VASH2: variants seen among roughly 807,000 people sequenced by gnomAD.
VASH2 encodes vasohibin 2.
Under a neutral mutation model 37.2 loss-of-function variants are expected in VASH2, and 28 were observed. The ratio of observed to expected loss-of-function variants is 0.75; its 90% CI spans 0.56 to 1.03. VASH2 has a LOEUF of 1.03. Among genes scored for constraint, VASH2 ranks in the 50% least tolerant of loss-of-function variants. The pLI is 0.00. For missense variants in VASH2, 419 were observed against 459.1 expected, an observed-to-expected ratio of 0.91 and a Z score of 0.80; for synonymous variants, 188 against 174.7, an observed-to-expected ratio of 1.08 and a Z score of -0.60.
At chr1:212,985,570 T>C (rs1453192278) in intron 7 of VASH2, among the ~76,000 whole-genome samples, 1 of 151,948 alleles carries the variant, frequency 6.6e-6, no homozygotes, top group Non-Finnish European at 1.5e-5. Flanking sequence ...GAATGCGCCA[T>C]CATACCCGGC....
intron 6 of VASH2, chr1:212,973,428 T>G: frequency 7.7e-7 from 1 of 1,291,410 alleles, no homozygotes; most frequent in Non-Finnish European, 1.0e-6. Context: ...CTCCAGGGCT[T>G]GTGCAGTCAC....
intron 2 of VASH2, among the ~76,000 whole-genome samples, chr1:212,954,406 C>T (rs760700496): frequency 4.6e-5 from 7 of 152,182 alleles, no homozygotes; most frequent in Non-Finnish European, 1.0e-4. Context: ...TAGCTGAATG[C>T]TGTGTTCTTA....
In VASH2 at chr1:212,972,613, G is replaced by A. The variant is rs773475744; in HGVS notation, c.531G>A (p.Arg177=). 9 of 1,613,932 alleles carry A rather than the reference G, an allele frequency of 5.6e-6. No individual in the cohort carries two copies. Among genetic ancestry groups the A allele is most frequent in the Middle Eastern group, 1.6e-4 (1 of 6,084 alleles). The change falls in exon 6 of 8, where the codon CGG becomes CGA. Residue 177 remains arginine (R), a synonymous_variant. Transcript: ENST00000517399. ...YLTNGQPSIE[R]FPISFKTYFS... ...CCAATGGGCAGCCTTCCATTGAGCG[G>A]TTCCCCATCAGCTTTAAAACCTACT...
Position 212,951,086 on chromosome 1 carries a change from T to C in VASH2, c.-204-253T>C, listed in dbSNP as rs59252582. 23,127 of 152,384 alleles carry C rather than the reference T, an allele frequency of 0.15. 3,001 individuals carry two copies. Among genetic ancestry groups the C allele is most frequent in the African/African-American group, 0.35 (14,647 of 41,490 alleles). The allele number at this position is 152,384 out of a possible 1,614,324, so 9.4% of individuals were successfully genotyped here. A position where few individuals can be genotyped will look rare whatever the true frequency, so the allele number is the denominator to read the frequency against. On this transcript the variant is annotated intron_variant, in intron 1 of 7. Coordinates refer to ENST00000517399, the MANE Select transcript of VASH2 (RefSeq NM_001301056.2). This position sits in a 1 kb window ranked among gnomAD's most constrained non-coding sequence, Gnocchi z 4.4. ...TCTTTCTTCTCCCCACATCTTGCGC[T>C]CCGCATCCCCCAAGCTCCTTGTGCC...
intron 7 of VASH2, among the ~76,000 whole-genome samples, chr1:212,977,669 G>A (rs1037740079): frequency 6.6e-6 from 1 of 152,148 alleles, no homozygotes; most frequent in African/African-American, 2.4e-5. Flanking sequence ...GTTGAAGAAA[G>A]GGCCCAGCTG....
In VASH2 at chr1:212,961,269, A is replaced by C; in HGVS notation, c.365+15A>C. 6.2e-7 allele frequency: 1 copy of C among 1,614,004 alleles called. No individual in the cohort carries two copies. The highest frequency in any genetic ancestry group is 1.1e-5 in the South Asian group (1 of 91,068). On this transcript the variant is annotated intron_variant, in intron 3 of 7. Transcript: ENST00000517399. ...AAGACCCTACAGTATCCTTCCAACC[A>C]AGGTCTGAGCACACCCAGCCAGGGG...
In VASH2 at chr1:212,951,505, C is replaced by G; in HGVS notation, c.-38C>G. Reference sequence around the variant, plus strand: ...GCCGCCGCCGCCGCTGCCGCCGCCGCGCGCCCCCAGTACCTCGCTCCCCGC... The same window carrying G: ...GCCGCCGCCGCCGCTGCCGCCGCCGGGCGCCCCCAGTACCTCGCTCCCCGC... On this transcript the variant is annotated 5_prime_UTR_variant, in exon 2 of 8. Coordinates refer to ENST00000517399, the MANE Select transcript of VASH2 (RefSeq NM_001301056.2). This position sits in a 1 kb window ranked among gnomAD's most constrained non-coding sequence, Gnocchi z 4.4. The G allele has an allele frequency of 8.2e-7, 1 of 1,220,450 alleles. No homozygotes were observed. The highest frequency in any genetic ancestry group is 3.2e-5 in the East Asian group (1 of 31,018). The allele number at this position is 1,220,450 out of a possible 1,614,324, so 75.6% of individuals were successfully genotyped here. A position where few individuals can be genotyped will look rare whatever the true frequency, so the allele number is the denominator to read the frequency against.
At position 212,966,307 on chromosome 1, in the gene VASH2, C is replaced by G; in HGVS notation, c.459C>G (p.Ser153=). ...METAKEMTRE[S]LPIKCLEAVI... ...CAGCAAAAGAAATGACCCGAGAGTC[C>G]TTGCCTATCAAATGCCTTGAAGCTG... The change falls in exon 5 of 8, where the codon TCC becomes TCG. Residue 153 remains serine (S), a synonymous_variant. Transcript: ENST00000517399. 6.4e-7 allele frequency: 1 copy of G among 1,551,718 alleles called. No homozygotes were observed. Among genetic ancestry groups the G allele is most frequent in the Non-Finnish European group, 8.7e-7 (1 of 1,147,002 alleles).
intron 5 of VASH2, chr1:212,967,398 AG>A (rs1666884195): frequency 8.4e-7 from 1 of 1,194,496 alleles, no homozygotes; most frequent in South Asian, 1.5e-5. Flanking sequence ...AGAAGAGCAA[AG>A]ATGCTCCGAA....
chr1:212,990,713 A>T lies in VASH2; in HGVS notation c.*2129A>T, dbSNP rs958943745. 2 of 152,198 alleles carry T rather than the reference A, an allele frequency of 1.3e-5. No individual in the cohort carries two copies. The highest frequency in any genetic ancestry group is 2.9e-5 in the Non-Finnish European group (2 of 68,036). The allele number at this position is 152,198 out of a possible 1,614,324, so 9.4% of individuals were successfully genotyped here. A position where few individuals can be genotyped will look rare whatever the true frequency, so the allele number is the denominator to read the frequency against. ...AACTGGCTTGATGGTTCAATTAGTA[A>T]GCTAATTTCTCCCACACCCGCTCCT... On this transcript the variant is annotated 3_prime_UTR_variant, in exon 8 of 8. Coordinates refer to ENST00000517399, the MANE Select transcript of VASH2 (RefSeq NM_001301056.2).
At chr1:212,972,439 T>A (rs1222257266) in intron 5 of VASH2, 141 bp from the exon 6 acceptor site, 1 of 932,884 alleles carries the variant, frequency 1.1e-6, no homozygotes. Context: ...TATAAAAGGA[T>A]TAGTCTGGAA....
chr1:212,970,481 C>T (rs1370013454), intron 5 of VASH2, among the ~76,000 whole-genome samples: 1 of 152,046 alleles, frequency 6.6e-6, no homozygotes, highest in African/African-American at 2.4e-5. Flanking sequence ...TTATAACACA[C>T]TTCACATTGT....
chr1:212,952,645 TTA>T (rs1666355207), intron 2 of VASH2: 1 of 152,146 alleles, frequency 6.6e-6, no homozygotes, highest in South Asian at 2.1e-4. Context: ...AGTAGATACG[TTA>T]TATGAAACAT....
At chr1:212,956,897 G>A (rs946236827) in intron 2 of VASH2, among the ~76,000 whole-genome samples, 3 of 152,106 alleles carry the variant, frequency 2.0e-5, no homozygotes, top group African/African-American at 7.3e-5. Context: ...CATTTTCACC[G>A]TTTTTAAGTG....
At chr1:212,955,867 G>A (rs1441354980) in intron 2 of VASH2, among the ~76,000 whole-genome samples, 2 of 152,126 alleles carry the variant, frequency 1.3e-5, no homozygotes, top group Non-Finnish European at 2.9e-5. Context: ...AGAACCTTCC[G>A]TCTGTCTGTC....
chr1:212,951,891 A>T lies in VASH2; in HGVS notation c.276+73A>T. On this transcript the variant is annotated intron_variant, in intron 2 of 7. Transcript: ENST00000517399. The surrounding 1 kb of genome is among the most constrained non-coding windows in gnomAD (Gnocchi z 4.4). ...GCGATGGGACCGTTTCAGCCTATAC[A>T]TAGCAAACACAGGCAATCTCCATTT... 4 of 1,482,908 alleles carry T rather than the reference A, an allele frequency of 2.7e-6. No homozygotes were observed. Among genetic ancestry groups the T allele is most frequent in the Non-Finnish European group, 3.6e-6 (4 of 1,106,272 alleles). The allele number at this position is 1,482,908 out of a possible 1,614,324, so 91.9% of individuals were successfully genotyped here.
chr1:212,976,521 C>T (rs759274838), intron 7 of VASH2, among the ~76,000 whole-genome samples: 6 of 151,280 alleles, frequency 4.0e-5, no homozygotes, highest in Admixed American at 2.0e-4. Context: ...GTTTCAAGCC[C>T]GGATAGCACC....
rs944446123 is a variant in VASH2, at chr1:212,951,115, C to G, written c.-204-224C>G. The G allele has an allele frequency of 6.6e-6, 1 of 152,408 alleles. No homozygotes were observed. The highest frequency in any genetic ancestry group is 2.4e-5 in the African/African-American group (1 of 41,480). The allele number at this position is 152,408 out of a possible 1,614,324, so 9.4% of individuals were successfully genotyped here. On this transcript the variant is annotated intron_variant, in intron 1 of 7. Coordinates refer to ENST00000517399, the MANE Select transcript of VASH2 (RefSeq NM_001301056.2). The surrounding 1 kb of genome is among the most constrained non-coding windows in gnomAD (Gnocchi z 4.4). The stretch of plus-strand genomic sequence containing the variant: ...CATCCCCCAAGCTCCTTGTGCCCCT[C>G]CATCCCCAACCCCCCGGGTTTAGGT...
chr1:212,961,649 A>T (rs533226160), intron 3 of VASH2, among the ~76,000 whole-genome samples: 2 of 152,048 alleles, frequency 1.3e-5, no homozygotes, highest in East Asian at 3.9e-4. Flanking sequence ...GTCACCCAGG[A>T]TGGAGGGCGT....
Sources: allele counts gnomAD v4.1 joint callset (sites outside exome capture counted in the v4.1 genomes callset), GRCh38; gene constraint gnomAD v4.1.1; non-coding constraint Gnocchi (gnomAD v3.1); transcripts MANE v1.5; gene names NCBI Gene and HGNC (gene_info 2026-07-23, HGNC 2026-07-21).